CFDP1: variants seen among roughly 807,000 people sequenced by gnomAD.
The protein encoded by CFDP1 is heterochromatin-stabilizing protein CFDP1.
Under a neutral mutation model 40.1 loss-of-function variants are expected in CFDP1, and 31 were observed. The ratio of observed to expected loss-of-function variants is 0.77; its 90% CI spans 0.58 to 1.04. The LOEUF is 1.04. Among genes scored for constraint, CFDP1 ranks in the 50% least tolerant of loss-of-function variants. CFDP1 has a pLI of 0.00. For synonymous variants in CFDP1, 167 were observed against 120.0 expected (o/e 1.39, Z -2.56); for missense variants, 423 against 343.4 (o/e 1.23, Z -1.83).
chr16:75,395,018 G>C (rs879209107), intron 5 of CFDP1, 72 bp downstream of exon 5: 8 of 1,575,552 alleles, frequency 5.1e-6, no homozygotes, highest in Middle Eastern at 1.7e-4. Flanking sequence ...GATCTGCAGC[G>C]AAAGTAGGTA....
At chr16:75,294,189 T>C in intron 6 of CFDP1, 147 bp from the exon 7 acceptor site, 2 of 585,414 alleles carry the variant, frequency 3.4e-6, no homozygotes, top group East Asian at 2.8e-5. Context: ...TCCAAACCAC[T>C]CACATTTGGT....
chr16:75,311,657 T>C (rs371759387), intron 5 of CFDP1, among the ~76,000 whole-genome samples: 4 of 152,272 alleles, frequency 2.6e-5, no homozygotes, highest in East Asian at 3.9e-4. Context: ...TTCCATCTAA[T>C]AGCCTGCATA....
At position 75,414,630 on chromosome 16, in the gene CFDP1, G is replaced by C. The variant is rs2079188933; in HGVS notation, c.130C>G (p.Gln44Glu). ...TTTTTCCCTTGGGTTTTCTGTGTCT[G>C]CTCTTCACCATCCACTTCATCTTCC... ...VKEDEVDGEE[Q>E]TQKTQGKKRK... The change falls in exon 2 of 7, where the codon CAG becomes GAG. Residue 44 changes from glutamine to glutamate, a missense_variant. Transcript: ENST00000283882. The C allele has an allele frequency of 1.9e-6, 3 of 1,613,384 alleles. No homozygotes were observed. The highest frequency in any genetic ancestry group is 1.7e-5 in the Admixed American group (1 of 59,958).
At position 75,409,835 on chromosome 16, in the gene CFDP1, T is replaced by A. The variant is rs76913293; in HGVS notation, c.530+1990A>T. Among the ~76,000 whole-genome samples the A allele has an allele frequency of 8.7e-4, 133 of 152,266 alleles. 1 individual carries two copies. The East Asian group carries it at 0.024, about 27-fold the overall frequency. On this transcript the variant is annotated intron_variant, in intron 4 of 6. Transcript: ENST00000283882. The stretch of plus-strand genomic sequence containing the variant: ...TATGTAGGTGTTTGTTGTAATACTA[T>A]TCTTGCAACATTTCTATAAGTGTGA...
intron 5 of CFDP1, among the ~76,000 whole-genome samples, chr16:75,366,031 G>C (rs766069954): frequency 6.6e-5 from 10 of 152,050 alleles, no homozygotes; most frequent in Non-Finnish European, 8.8e-5. Flanking sequence ...TTCACTCCTA[G>C]GTATCAATCC....
chr16:75,347,343 C>CAAAAAAA (rs762900031), intron 5 of CFDP1, among the ~76,000 whole-genome samples: 22 of 91,614 alleles, frequency 2.4e-4, no homozygotes, highest in East Asian at 1.2e-3. Context: ...GACTCCATCT[C>CAAAAAAA]AAAAAAAAAA....
chr16:75,344,322 C>G (rs1260733585), intron 5 of CFDP1, among the ~76,000 whole-genome samples: 1 of 152,142 alleles, frequency 6.6e-6, no homozygotes, highest in African/African-American at 2.4e-5. Context: ...GAATTGTACA[C>G]TTTAAAATGG....
chr16:75,297,736 G>A (rs2078194220), intron 6 of CFDP1, among the ~76,000 whole-genome samples: 2 of 152,140 alleles, frequency 1.3e-5, no homozygotes, highest in African/African-American at 4.8e-5. Flanking sequence ...AAGAACCTAA[G>A]GGATTTTCTA....
chr16:75,316,707 C>T (rs568931656), intron 5 of CFDP1, among the ~76,000 whole-genome samples: 91 of 152,116 alleles, frequency 6.0e-4, no homozygotes, highest in African/African-American at 2.0e-3. Flanking sequence ...CGGTGGCTCA[C>T]GCCTGTAATC....
At position 75,294,000 on chromosome 16, in the gene CFDP1, C is replaced by T. The variant is rs143670943; in HGVS notation, c.852G>A (p.Arg284=). The change falls in exon 7 of 7, where the codon AGG becomes AGA. Residue 284 remains arginine, a synonymous_variant. Transcript: ENST00000283882. ...RKAFLDRVDH[R]QFEIERDLRL... is the part of the protein sequence containing the mutation. ...TGAGATCTCGCTCAATTTCAAACTG[C>T]CTGTGATCCACTCGGTCAAGGAAGG... 7 of 1,613,978 alleles carry T rather than the reference C, an allele frequency of 4.3e-6. No individual in the cohort carries two copies. Among genetic ancestry groups the T allele is most frequent in the African/African-American group, 4.0e-5 (3 of 74,904 alleles).
chr16:75,391,391 TAATCACCTGCTG>T (rs530651378), intron 5 of CFDP1: 76 of 152,350 alleles, frequency 5.0e-4, no homozygotes, highest in African/African-American at 1.8e-3. Flanking sequence ...TGGCAACTCT[TAATCACCTGCTG>T]AAGGCTAATT....
At chr16:75,432,780 G>C (rs2079438324) in intron 1 of CFDP1, among the ~76,000 whole-genome samples, 1 of 152,230 alleles carries the variant, frequency 6.6e-6, no homozygotes, top group Non-Finnish European at 1.5e-5. Flanking sequence ...CCTAAGGAAA[G>C]AAAGTTCTGA....
At chr16:75,405,959 T>C (rs1460803103) in intron 4 of CFDP1, among the ~76,000 whole-genome samples, 2 of 150,014 alleles carry the variant, frequency 1.3e-5, no homozygotes, top group East Asian at 2.0e-4. Flanking sequence ...TTTATGTAGA[T>C]GGTCAGACAT....
At chr16:75,408,436 T>G (rs2079124222) in intron 4 of CFDP1, among the ~76,000 whole-genome samples, 1 of 151,962 alleles carries the variant, frequency 6.6e-6, no homozygotes, top group Non-Finnish European at 1.5e-5. Context: ...CAACTTAGAT[T>G]AAGAAGAAAG....
At chr16:75,411,159 A>T (rs1448416478) in intron 4 of CFDP1, among the ~76,000 whole-genome samples, 1 of 152,058 alleles carries the variant, frequency 6.6e-6, no homozygotes, top group Non-Finnish European at 1.5e-5. Flanking sequence ...TGGAGGTCGC[A>T]ATGAGCCGAG....
At position 75,294,054 on chromosome 16, in the gene CFDP1, A is replaced by T. The variant is rs758200795; in HGVS notation, c.810-12T>A. 1.9e-6 allele frequency: 3 copies of T among 1,603,850 alleles called. No individual in the cohort carries two copies. Among genetic ancestry groups the T allele is most frequent in the Non-Finnish European group, 2.6e-6 (3 of 1,170,700 alleles). On this transcript the variant is annotated splice_polypyrimidine_tract_variant and intron_variant, in intron 6 of 6. Transcript: ENST00000283882. ...TCCGTTCAATGTACCTAGAAGATGAAAACAGTGTTTGTCAGTAGAATCCAG... is the reference window on the plus strand; with the variant it reads ...TCCGTTCAATGTACCTAGAAGATGATAACAGTGTTTGTCAGTAGAATCCAG...
chr16:75,327,369 G>A (rs1398658156), intron 5 of CFDP1, among the ~76,000 whole-genome samples: 1 of 152,178 alleles, frequency 6.6e-6, no homozygotes, highest in Non-Finnish European at 1.5e-5. Flanking sequence ...CCCAGAACAA[G>A]AGCTGCACAG....
At chr16:75,332,161 C>A (rs1223832472) in intron 5 of CFDP1, among the ~76,000 whole-genome samples, 2 of 152,114 alleles carry the variant, frequency 1.3e-5, no homozygotes, top group Non-Finnish European at 2.9e-5. Flanking sequence ...ACAGACCCCA[C>A]CCTCTACGAA....
chr16:75,405,201 G>A (rs1262509507), intron 4 of CFDP1, among the ~76,000 whole-genome samples: 1 of 152,128 alleles, frequency 6.6e-6, no homozygotes, highest in Non-Finnish European at 1.5e-5. Context: ...ACACGCAGTA[G>A]GACATTACAA....
Sources: gnomAD v4.1 joint callset for allele counts (sites outside exome capture counted in the v4.1 genomes callset) on GRCh38, gnomAD v4.1.1 for gene constraint, MANE v1.5 for transcripts, NCBI Gene and HGNC (gene_info 2026-07-23, HGNC 2026-07-21) for gene names.